Variants in ALK observed in about 807,000 individuals in gnomAD.
The protein encoded by ALK is ALK tyrosine kinase receptor.
A neutral mutation model predicts 163.1 loss-of-function variants in ALK; 74 were observed. The ratio of observed to expected loss-of-function variants is 0.45; its 90% CI spans 0.38 to 0.55. The LOEUF is 0.55. Among genes scored for constraint, ALK ranks in the 20% least tolerant of loss-of-function variants. The pLI is 0.00. For missense variants in ALK, 2,063 were observed against 2,105.3 expected (o/e 0.98, Z 0.39); for synonymous variants, 960 against 843.2 (o/e 1.14, Z -2.40).
At chr2:29,634,072 G>C (rs921352298) in intron 3 of ALK, among the ~76,000 whole-genome samples, 1 of 151,740 alleles carries the variant, frequency 6.6e-6, no homozygotes, top group African/African-American at 2.4e-5. Flanking sequence ...GTCTCACTAT[G>C]TTGTCCAGGT....
chr2:29,233,982 A>G (rs963034558), intron 13 of ALK, among the ~76,000 whole-genome samples: 2 of 151,800 alleles, frequency 1.3e-5, no homozygotes, highest in African/African-American at 2.4e-5. Flanking sequence ...TTGAGCCTTG[A>G]AGGATAGGGA....
intron 5 of ALK, among the ~76,000 whole-genome samples, chr2:29,369,052 C>T (rs978602507): frequency 6.6e-6 from 1 of 152,214 alleles, no homozygotes; most frequent in African/African-American, 2.4e-5. Flanking sequence ...CAAGACCCTG[C>T]TTTCCAGTGT....
At chr2:29,537,111 AAGAACTTTTTC>A (rs765835138) in intron 3 of ALK, among the ~76,000 whole-genome samples, 1 of 152,256 alleles carries the variant, frequency 6.6e-6, no homozygotes, top group Non-Finnish European at 1.5e-5. Context: ...TAGAAAGGAA[AAGAACTTTTTC>A]AGGGGAGGAA....
At chr2:29,515,901 C>A (rs957407551) in intron 4 of ALK, among the ~76,000 whole-genome samples, 1 of 152,144 alleles carries the variant, frequency 6.6e-6, no homozygotes, top group Admixed American at 6.5e-5. Flanking sequence ...TTTTCATAAG[C>A]CAATTAGAAA....
In ALK at chr2:29,590,927, C is replaced by T. The variant is rs553267430; in HGVS notation, c.953-58811G>A. The stretch of plus-strand genomic sequence containing the variant: ...TCTACTAAAAATACAAAAAATTAGC[C>T]GGGCGTGTTGGCGGGCGCCTGTAGT... On this transcript the variant is annotated intron_variant, in intron 3 of 28. Coordinates refer to ENST00000389048, the MANE Select transcript of ALK (RefSeq NM_004304.5). Among the ~76,000 whole-genome samples the T allele has an allele frequency of 1.9e-3, 285 of 151,220 alleles. 3 individuals are homozygous for T. The highest frequency in any genetic ancestry group is 2.1e-3 in the South Asian group (10 of 4,744).
intron 5 of ALK, among the ~76,000 whole-genome samples, chr2:29,361,999 GAGA>G (rs1480974521): frequency 6.6e-6 from 1 of 152,196 alleles, no homozygotes; most frequent in Admixed American, 6.5e-5. Flanking sequence ...AAATTAGGGA[GAGA>G]AGGATGGAGA....
intron 4 of ALK, among the ~76,000 whole-genome samples, chr2:29,437,136 T>C (rs1198595589): frequency 1.3e-5 from 2 of 152,208 alleles, no homozygotes; most frequent in African/African-American, 2.4e-5. Flanking sequence ...TCCAGAGCTC[T>C]TGGGGAGTCT....
chr2:29,198,084 A>G (rs1461299494), intron 26 of ALK, among the ~76,000 whole-genome samples: 1 of 152,108 alleles, frequency 6.6e-6, no homozygotes, highest in Non-Finnish European at 1.5e-5. Flanking sequence ...TCATTTCCAC[A>G]TTGTTTTCAG....
chr2:29,382,720 C>G (rs959979859), intron 5 of ALK, among the ~76,000 whole-genome samples: 1 of 152,190 alleles, frequency 6.6e-6, no homozygotes, highest in African/African-American at 2.4e-5. Flanking sequence ...GGCTTGCTCC[C>G]AAGCCACATG....
chr2:29,592,895 T>C (rs1440799274), intron 3 of ALK, among the ~76,000 whole-genome samples: 1 of 152,142 alleles, frequency 6.6e-6, no homozygotes, highest in Non-Finnish European at 1.5e-5. Context: ...CAAGAATGAA[T>C]TCTCCCTGGA....
intron 1 of ALK, among the ~76,000 whole-genome samples, chr2:29,810,302 A>C (rs1263828382): frequency 6.6e-6 from 1 of 151,756 alleles, no homozygotes; most frequent in Admixed American, 6.6e-5. Flanking sequence ...GTTGCCTGTA[A>C]TTCCAGCTAC....
At chr2:29,235,850 G>C (rs1664358289) in intron 13 of ALK, among the ~76,000 whole-genome samples, 1 of 127,530 alleles carries the variant, frequency 7.8e-6, no homozygotes, top group African/African-American at 2.8e-5. Context: ...AAGCTACCAG[G>C]CTCGACTTTT....
intron 1 of ALK, among the ~76,000 whole-genome samples, chr2:29,803,358 T>C (rs889532540): frequency 1.3e-5 from 2 of 152,216 alleles, no homozygotes. Context: ...CAGACTCTTA[T>C]TTGCTTGAAT....
chr2:29,370,757 C>A (rs1668619118), intron 5 of ALK, among the ~76,000 whole-genome samples: 1 of 152,146 alleles, frequency 6.6e-6, no homozygotes, highest in African/African-American at 2.4e-5. Context: ...CTCACAGAGC[C>A]CGTGCCCACC....
chr2:29,884,361 T>C (rs890203219), intron 1 of ALK, among the ~76,000 whole-genome samples: 1 of 152,116 alleles, frequency 6.6e-6, no homozygotes, highest in South Asian at 2.1e-4. Flanking sequence ...AGAAAAGTCA[T>C]GACGTTACAA....
chr2:29,555,812 G>A (rs972453873), intron 3 of ALK, among the ~76,000 whole-genome samples: 12 of 152,036 alleles, frequency 7.9e-5, no homozygotes, highest in African/African-American at 2.9e-4. Flanking sequence ...TTGAAAATCA[G>A]AAGAGAAAAC....
intron 22 of ALK, among the ~76,000 whole-genome samples, chr2:29,221,548 A>G (rs1304330703): frequency 6.6e-6 from 1 of 152,204 alleles, no homozygotes; most frequent in East Asian, 1.9e-4. Flanking sequence ...GGTCTTCTTC[A>G]ATATAATCTC....
At chr2:29,627,334 T>G (rs1676222435) in intron 3 of ALK, among the ~76,000 whole-genome samples, 1 of 152,222 alleles carries the variant, frequency 6.6e-6, no homozygotes, top group African/African-American at 2.4e-5. Flanking sequence ...CAGGGCTTTT[T>G]GCAAGGAAGA....
intron 1 of ALK, among the ~76,000 whole-genome samples, chr2:29,787,578 C>A (rs1329126907): frequency 6.6e-6 from 1 of 152,050 alleles, no homozygotes; most frequent in Non-Finnish European, 1.5e-5. Flanking sequence ...GAGAGTAGCC[C>A]AGGAAGGCTT....
Sources: allele counts gnomAD v4.1 joint callset (sites outside exome capture counted in the v4.1 genomes callset), GRCh38; gene constraint gnomAD v4.1.1; transcripts MANE v1.5; gene names NCBI Gene and HGNC (gene_info 2026-07-23, HGNC 2026-07-21).